The following TEX264 variants were observed in gnomAD, a reference collection of about 807,000 sequenced individuals.
TEX264 encodes testis-expressed protein 264.
A neutral mutation model predicts 23.4 loss-of-function variants in TEX264; 13 were observed. That is an observed-to-expected ratio of 0.56 (90% CI 0.36 to 0.88). The LOEUF (loss-of-function observed/expected upper bound fraction) is 0.88. TEX264 is among the 40% of genes least tolerant of loss of function. The pLI is 0.01. For synonymous variants in TEX264, 159 were observed against 170.0 expected (o/e 0.94, Z 0.50); for missense variants, 340 against 406.8 (o/e 0.84, Z 1.41).
chr3:51,672,674 C>T (rs1194147532), intron 1 of TEX264, among the ~76,000 whole-genome samples: 1 of 152,194 alleles, frequency 6.6e-6, no homozygotes, highest in African/African-American at 2.4e-5. Context: ...ATCAGACTGT[C>T]TGGGCTTGTG....
At chr3:51,682,693 T>C (rs574041828) in intron 2 of TEX264, 1 of 152,334 alleles carries the variant, frequency 6.6e-6, no homozygotes, top group Admixed American at 6.5e-5. Context: ...GGGACTTGTC[T>C]AGAATCACAC....
chr3:51,685,060 C>G (rs189906460), intron 3 of TEX264, among the ~76,000 whole-genome samples: 5 of 152,342 alleles, frequency 3.3e-5, no homozygotes, highest in Non-Finnish European at 5.9e-5. Flanking sequence ...CGTGGCCCTG[C>G]CTGTGCATGG....
In TEX264 at chr3:51,704,137, C is replaced by A; in HGVS notation, c.*121C>A. 1 of 973,872 alleles carries A rather than the reference C, an allele frequency of 1.0e-6. No individual in the cohort carries two copies. Among genetic ancestry groups the A allele is most frequent in the Non-Finnish European group, 1.4e-6 (1 of 731,350 alleles). The allele number at this position is 973,872 out of a possible 1,614,324, so 60.3% of individuals were successfully genotyped here. A position where few individuals can be genotyped will look rare whatever the true frequency, so the allele number is the denominator to read the frequency against. On this transcript the variant is annotated 3_prime_UTR_variant, in exon 5 of 5. Transcript: ENST00000341333. ...GAGGGGTTCCTGAGGGACCTGACTT[C>A]CCCTGCTCCAGGCCTCTTGCTAAGC...
At chr3:51,689,763 C>T (rs1310482838) in intron 3 of TEX264, among the ~76,000 whole-genome samples, 1 of 152,204 alleles carries the variant, frequency 6.6e-6, no homozygotes, top group Non-Finnish European at 1.5e-5. Flanking sequence ...TGTCTGTTCT[C>T]GATCCTGAGG....
At position 51,684,603 on chromosome 3, in the gene TEX264, G is replaced by A. The variant is rs745803321; in HGVS notation, c.449G>A (p.Arg150His). 15 of 1,614,082 alleles carry A rather than the reference G, an allele frequency of 9.3e-6. No individual in the cohort carries two copies. The highest frequency in any genetic ancestry group is 1.3e-5 in the African/African-American group (1 of 74,922). ...CTGTCCATCTGGCTGGCTACCCGCC[G>A]TGTCCATCCTGCCTTGGACACCTAC... ...TILSIWLATR[R>H]VHPALDTYIK... Residue 150 changes from arginine to histidine, a missense_variant, in exon 3 of 5, where the codon CGT becomes CAT. Transcript: ENST00000341333.
chr3:51,703,297 C>CA lies in TEX264; in HGVS notation c.650-426dup, dbSNP rs1341590116. On this transcript the variant is annotated intron_variant, in intron 4 of 4. Coordinates refer to ENST00000341333, the MANE Select transcript of TEX264 (RefSeq NM_015926.6). This position sits in a 1 kb window ranked among gnomAD's most constrained non-coding sequence, Gnocchi z 4.8. ...GATGTTCTGTAGCTGGCCCTGGACA[C>CA]ATCTCTTTCCAAGCTTGAAGTGGGG... 6.6e-6 allele frequency among the ~76,000 whole-genome samples: 1 copy of CA among 152,094 alleles called. No homozygotes were observed. Among genetic ancestry groups the CA allele is most frequent in the African/African-American group, 2.4e-5 (1 of 41,398 alleles).
Position 51,703,851 on chromosome 3 carries a change from C to A in TEX264, c.777C>A (p.Ser259Arg), listed in dbSNP as rs369013696. ...GCTGGGATGACGGTGACACCCGCAG[C>A]GAGCACAGCTACAGCGAGTCAGGTG... The part of the protein sequence containing the change: ...SRGWDDGDTR[S>R]EHSYSESGAS... The change falls in exon 5 of 5, where the codon AGC becomes AGA. Residue 259 changes from serine (S) to arginine (R), a missense_variant. Ser to Arg is a moderately radical substitution (Grantham distance 110). Transcript: ENST00000341333. The surrounding 1 kb of genome is among the most constrained non-coding windows in gnomAD (Gnocchi z 4.8). 3.7e-6 allele frequency: 6 copies of A among 1,612,914 alleles called. No individual in the cohort carries two copies. The highest frequency in any genetic ancestry group is 2.2e-5 in the South Asian group (2 of 91,052).
intron 2 of TEX264, among the ~76,000 whole-genome samples, chr3:51,678,857 GT>G (rs1702322578): frequency 6.6e-6 from 1 of 152,200 alleles, no homozygotes; most frequent in South Asian, 2.1e-4. Context: ...CTGGGAAGGG[GT>G]GAGGGAGTAG....
intron 4 of TEX264, among the ~76,000 whole-genome samples, chr3:51,702,409 C>T (rs2107054587): frequency 6.6e-6 from 1 of 152,374 alleles, no homozygotes; most frequent in Non-Finnish European, 1.5e-5. Flanking sequence ...GCTCACCTCA[C>T]CTCTGCCAGT....
Position 51,684,603 on chromosome 3 carries a change from G to C in TEX264, c.449G>C (p.Arg150Pro), listed in dbSNP as rs745803321. Residue 150 changes from arginine to proline, a missense_variant, in exon 3 of 5, where the codon CGT becomes CCT. By Grantham distance (103) the Arg-to-Pro change is moderately radical. Transcript: ENST00000341333. The part of the protein sequence containing the change: ...TILSIWLATR[R>P]VHPALDTYIK... ...CTGTCCATCTGGCTGGCTACCCGCC[G>C]TGTCCATCCTGCCTTGGACACCTAC... 6.2e-7 allele frequency: 1 copy of C among 1,614,200 alleles called. No individual in the cohort carries two copies. The highest frequency in any genetic ancestry group is 8.5e-7 in the Non-Finnish European group (1 of 1,180,036).
In TEX264 at chr3:51,704,141, T is replaced by C. The variant is rs1221662161; in HGVS notation, c.*125T>C. 1 of 904,030 alleles carries C rather than the reference T, an allele frequency of 1.1e-6. No homozygotes were observed. The highest frequency in any genetic ancestry group is 1.7e-5 in the African/African-American group (1 of 59,280). The allele number at this position is 904,030 out of a possible 1,614,324, so 56.0% of individuals were successfully genotyped here. Reference sequence around the variant, plus strand: ...GGTTCCTGAGGGACCTGACTTCCCCTGCTCCAGGCCTCTTGCTAAGCCTTC... The same window carrying C: ...GGTTCCTGAGGGACCTGACTTCCCCCGCTCCAGGCCTCTTGCTAAGCCTTC... On this transcript the variant is annotated 3_prime_UTR_variant, in exon 5 of 5. Coordinates refer to ENST00000341333, the MANE Select transcript of TEX264 (RefSeq NM_015926.6).
chr3:51,702,748 C>T (rs1224135707), intron 4 of TEX264, among the ~76,000 whole-genome samples: 1 of 152,254 alleles, frequency 6.6e-6, no homozygotes, highest in Non-Finnish European at 1.5e-5. Context: ...CCATGTGTTC[C>T]TCCTTGCCAC....
In TEX264 at chr3:51,684,536, C is replaced by T. The variant is rs199663854; in HGVS notation, c.382C>T (p.Pro128Ser). Residue 128 changes from proline to serine, a missense_variant, in exon 3 of 5, where the codon CCC becomes TCC. By Grantham distance (74) the Pro-to-Ser change is moderately conservative. Coordinates refer to ENST00000341333, the MANE Select transcript of TEX264 (RefSeq NM_015926.6). ...CTTCAAGGTGTTCTCCTTCCCGGCA[C>T]CCAGCCATGTGGTGACAGCCACCTT... is the stretch of plus-strand genomic sequence containing the variant. ...FGFKVFSFPAPSHVVTATFPY... is the reference protein window; with the variant it reads ...FGFKVFSFPASSHVVTATFPY... The T allele has an allele frequency of 2.1e-5, 34 of 1,613,904 alleles. No homozygotes were observed. The highest frequency in any genetic ancestry group is 2.7e-5 in the African/African-American group (2 of 74,832).
chr3:51,702,728 C>T lies in TEX264; in HGVS notation c.650-996C>T, dbSNP rs3796341. 4.5e-4 allele frequency among the ~76,000 whole-genome samples: 69 copies of T among 152,330 alleles called. No homozygotes were observed. In the East Asian group the frequency reaches 0.012, roughly 26 times the overall value. On this transcript the variant is annotated intron_variant, in intron 4 of 4. Transcript: ENST00000341333. Reference sequence around the variant, plus strand: ...TCCCAGTCTGGATTCCTGCACACAGCGAGCCTGAGCCATGTGTTCCTCCTT... The same window carrying T: ...TCCCAGTCTGGATTCCTGCACACAGTGAGCCTGAGCCATGTGTTCCTCCTT...
At chr3:51,697,377 G>A (rs1306679709) in intron 3 of TEX264, among the ~76,000 whole-genome samples, 1 of 152,214 alleles carries the variant, frequency 6.6e-6, no homozygotes, top group Non-Finnish European at 1.5e-5. Context: ...AGTGTTGAGA[G>A]GGGTTGGGCT....
intron 2 of TEX264, among the ~76,000 whole-genome samples, chr3:51,675,807 C>T (rs1393421456): frequency 6.6e-6 from 1 of 152,000 alleles, no homozygotes; most frequent in African/African-American, 2.4e-5. Flanking sequence ...CATGGGATGA[C>T]CAGAGAATTG....
chr3:51,671,529 A>G (rs913910294), intron 1 of TEX264: 1 of 154,288 alleles, frequency 6.5e-6, no homozygotes, highest in Non-Finnish European at 1.5e-5. Context: ...GGTGCAGGGC[A>G]TGCCCCGGGG....
chr3:51,696,590 C>G (rs975519041), intron 3 of TEX264, among the ~76,000 whole-genome samples: 146 of 152,288 alleles, frequency 9.6e-4, no homozygotes, highest in African/African-American at 3.1e-3. Flanking sequence ...TATAGCTTGT[C>G]CTGCCCCTCA....
At chr3:51,695,105 C>G (rs534436856) in intron 3 of TEX264, among the ~76,000 whole-genome samples, 1 of 152,324 alleles carries the variant, frequency 6.6e-6, no homozygotes, top group African/African-American at 2.4e-5. Flanking sequence ...GAGCATGCAT[C>G]ACTTCACCCA....
Sources: gnomAD v4.1 joint callset for allele counts (sites outside exome capture counted in the v4.1 genomes callset) on GRCh38, gnomAD v4.1.1 for gene constraint, Gnocchi (gnomAD v3.1) non-coding constraint, MANE v1.5 for transcripts, NCBI Gene and HGNC (gene_info 2026-07-23, HGNC 2026-07-21) for gene names.